EPM2A: variants seen among roughly 807,000 people sequenced by gnomAD.
The protein encoded by EPM2A is laforin.
In EPM2A, 21 loss-of-function variants were observed where a neutral mutation model predicts 26.5. That is an observed-to-expected ratio of 0.79 (90% CI 0.56 to 1.14). The LOEUF (loss-of-function observed/expected upper bound fraction) is 1.14, where lower values mean the gene tolerates loss of function less well. Among genes scored for constraint, EPM2A ranks in the 50% most tolerant of loss-of-function variants. The pLI is 0.00. For missense variants in EPM2A, 458 were observed against 440.8 expected, an observed-to-expected ratio of 1.04 and a Z score of -0.35; for synonymous variants, 217 against 177.6, an observed-to-expected ratio of 1.22 and a Z score of -1.76.
rs147972959 is a variant in EPM2A, at chr6:145,570,470, G to T, written c.340+64775C>A. 5.9e-3 allele frequency among the ~76,000 whole-genome samples: 903 copies of T among 152,284 alleles called. 9 individuals are homozygous for T. The highest frequency in any genetic ancestry group is 8.1e-3 in the Non-Finnish European group (551 of 68,020). ...AATAAATCTTATGTCACATGATAAA[G>T]GAGAAAGGAAATGAAGATATTTTCT... On this transcript the variant is annotated intron_variant, in intron 2 of 3. Coordinates refer to the EPM2A transcript ENST00000450221.
chr6:145,728,856 A>T (rs1179266125), intron 1 of EPM2A, among the ~76,000 whole-genome samples: 3 of 152,092 alleles, frequency 2.0e-5, no homozygotes. Flanking sequence ...CATTTCAGAG[A>T]CCTCCATAGC....
chr6:145,622,885 T>C (rs1339714202), downstream of EPM2A, among the ~76,000 whole-genome samples: 1 of 152,244 alleles, frequency 6.6e-6, no homozygotes, highest in Non-Finnish European at 1.5e-5. Context: ...GAGATTATAA[T>C]GGGTGGTTCA....
chr6:145,411,834 G>C (rs956664523), intron 4 of EPM2A, among the ~76,000 whole-genome samples: 2 of 152,142 alleles, frequency 1.3e-5, no homozygotes, highest in Non-Finnish European at 2.9e-5. Flanking sequence ...TGTGAAATCA[G>C]CCTCTCGGCC....
chr6:145,490,011 G>T, intron 4 of EPM2A: 1 of 1,351,340 alleles, frequency 7.4e-7, no homozygotes, highest in Non-Finnish European at 1.0e-6. Flanking sequence ...GGATGGACGT[G>T]TTCCACAGTC....
intron 4 of EPM2A, among the ~76,000 whole-genome samples, chr6:145,411,102 A>G (rs1222007529): frequency 6.6e-6 from 1 of 152,168 alleles, no homozygotes; most frequent in South Asian, 2.1e-4. Context: ...ATGATTATTT[A>G]TATTTCCTCT....
intron 2 of EPM2A, among the ~76,000 whole-genome samples, chr6:145,515,390 T>C (rs189044972): frequency 1.1e-3 from 168 of 152,312 alleles, no homozygotes; most frequent in African/African-American, 3.9e-3. Flanking sequence ...TTAGCCTGTT[T>C]GGTCTTCTGT....
chr6:145,607,923 T>C (rs746522815), intron 2 of EPM2A, among the ~76,000 whole-genome samples: 12 of 152,226 alleles, frequency 7.9e-5, no homozygotes, highest in Non-Finnish European at 1.6e-4. Flanking sequence ...TGCTATCATG[T>C]GAGGCCAACG....
chr6:145,595,389 TCTA>T (rs1429166311), intron 2 of EPM2A, among the ~76,000 whole-genome samples: 1 of 151,772 alleles, frequency 6.6e-6, no homozygotes, highest in Admixed American at 6.6e-5. Flanking sequence ...AATAGATATT[TCTA>T]CTATGTGCTA....
chr6:145,648,884 C>T (rs1777676106), intron 2 of EPM2A, among the ~76,000 whole-genome samples: 1 of 152,044 alleles, frequency 6.6e-6, no homozygotes, highest in Non-Finnish European at 1.5e-5. Flanking sequence ...ATTTATTTAC[C>T]TCATTGAAAT....
intron 4 of EPM2A, among the ~76,000 whole-genome samples, chr6:145,442,412 C>T (rs556223587): frequency 3.3e-5 from 5 of 152,132 alleles, no homozygotes; most frequent in Non-Finnish European, 7.4e-5. Context: ...GCTGAGGAAG[C>T]CTCACAATCA....
intron 4 of EPM2A, among the ~76,000 whole-genome samples, chr6:145,493,259 T>C (rs1002855368): frequency 6.6e-6 from 1 of 152,166 alleles, no homozygotes; most frequent in East Asian, 1.9e-4. Flanking sequence ...GTAATTGTGA[T>C]GGGATTTGTT....
At position 145,590,243 on chromosome 6, in the gene EPM2A, G is replaced by T. The variant is rs1781254241; in HGVS notation, c.340+45002C>A. On this transcript the variant is annotated intron_variant, in intron 2 of 3. Transcript: ENST00000450221. Reference sequence around the variant, plus strand: ...TCTAGGAATCTCAACAGGTTCTCATGGTCAAGAGCCAAGAGAAACTCCCCT... The same window carrying T: ...TCTAGGAATCTCAACAGGTTCTCATTGTCAAGAGCCAAGAGAAACTCCCCT... Among the ~76,000 whole-genome samples the T allele has an allele frequency of 2.0e-5, 3 of 152,036 alleles. No individual in the cohort carries two copies. The South Asian group carries it at 6.2e-4, about 32-fold the overall frequency.
At chr6:145,526,645 G>A (rs980392978) in intron 2 of EPM2A, among the ~76,000 whole-genome samples, 3 of 151,946 alleles carry the variant, frequency 2.0e-5, no homozygotes, top group African/African-American at 7.2e-5. Context: ...AATGTCATCT[G>A]TCATTTCTGA....
At chr6:145,586,977 T>G (rs1025436464) in intron 2 of EPM2A, among the ~76,000 whole-genome samples, 2 of 152,216 alleles carry the variant, frequency 1.3e-5, no homozygotes, top group Admixed American at 1.3e-4. Context: ...ATTGCCAAAT[T>G]CAATGACTGT....
rs17798207 is a variant in EPM2A at position 145,734,873 on chromosome 6, C to T, written c.301+325G>A. 4.5e-3 allele frequency: 773 copies of T among 170,046 alleles called. 23 individuals carry two copies. In the East Asian group the frequency reaches 0.073, roughly 16 times the overall value. 10.5% of individuals were successfully genotyped at this position (170,046 alleles called of 1,614,324 possible). ...GGAGACGAAGGGCACTGGCCCGTGA[C>T]GCAGGCGCGGTTGGAAAGAAGCTGA... is the stretch of plus-strand genomic sequence containing the variant. On this transcript the variant is annotated intron_variant, in intron 1 of 3. Transcript: ENST00000367519.
At chr6:145,429,244 A>C (rs1778890894) in intron 4 of EPM2A, among the ~76,000 whole-genome samples, 1 of 152,272 alleles carries the variant, frequency 6.6e-6, no homozygotes, top group South Asian at 2.1e-4. Context: ...AATCTAACCA[A>C]GTAATGTTTT....
rs113027754 is a variant in EPM2A at position 145,547,168 on chromosome 6, C to A, written c.341-44593G>T. Among the ~76,000 whole-genome samples, 794 of 152,164 alleles carry A rather than the reference C, an allele frequency of 5.2e-3. 8 individuals are homozygous for A. The highest frequency in any genetic ancestry group is 0.018 in the African/African-American group (758 of 41,534). On this transcript the variant is annotated intron_variant, in intron 2 of 3. Transcript: ENST00000450221. ...TCAACTTTCTATCAAAATTCACAAC[C>A]CATCCTAACCTCTATTCTGGTTAAC...
chr6:145,677,779 G>C (rs980636245), intron 2 of EPM2A, among the ~76,000 whole-genome samples: 2 of 152,016 alleles, frequency 1.3e-5, no homozygotes, highest in East Asian at 3.9e-4. Flanking sequence ...AAATAAAAGG[G>C]GACACAAACA....
At chr6:145,584,117 C>T (rs746085695) in intron 2 of EPM2A, among the ~76,000 whole-genome samples, 10 of 152,256 alleles carry the variant, frequency 6.6e-5, no homozygotes, top group African/African-American at 1.2e-4. Context: ...CACCCATGTG[C>T]GTGCATCGGC....
Sources: allele counts gnomAD v4.1 joint callset (sites outside exome capture counted in the v4.1 genomes callset), GRCh38; gene constraint gnomAD v4.1.1; transcripts MANE v1.5; gene names NCBI Gene and HGNC (gene_info 2026-07-23, HGNC 2026-07-21).